SPTA1: variants seen among roughly 807,000 people sequenced by gnomAD.
SPTA1 encodes the protein spectrin alpha chain, erythrocytic 1.
Under a neutral mutation model 324.7 loss-of-function variants are expected in SPTA1, and 177 were observed. The observed-to-expected ratio is 0.55, with a 90% CI of 0.48 to 0.62. The LOEUF (loss-of-function observed/expected upper bound fraction) is 0.62. Among genes scored for constraint, SPTA1 ranks in the 20% least tolerant of loss-of-function variants. The probability of loss-of-function intolerance (pLI) is 0.00; values close to 1 mark genes in which losing one functional copy is unlikely to be tolerated. For missense variants in SPTA1, 3,162 were observed against 2,883.6 expected (o/e 1.10, Z -2.21); for synonymous variants, 1,195 against 1,041.3 (o/e 1.15, Z -2.84).
intron 3 of SPTA1, 59 bp downstream of exon 3, chr1:158,683,312 T>C: frequency 6.2e-7 from 1 of 1,610,392 alleles, no homozygotes; most frequent in South Asian, 1.1e-5. Context: ...ATATAATCAG[T>C]TAAAACCCTG....
intron 25 of SPTA1, among the ~76,000 whole-genome samples, chr1:158,649,603 T>C (rs1052647419): frequency 6.6e-5 from 10 of 152,214 alleles, no homozygotes; most frequent in Non-Finnish European, 1.3e-4. Context: ...TTATTCATTT[T>C]CATGGAAACA....
Position 158,681,681 on chromosome 1 carries a change from G to A in SPTA1, c.391-14C>T, listed in dbSNP as rs1222517455. On this transcript the variant is annotated splice_polypyrimidine_tract_variant and intron_variant, in intron 3 of 51. Coordinates refer to ENST00000643759, the MANE Select transcript of SPTA1 (RefSeq NM_003126.4). ...CTCTATATGGGCCTTTAGGAAAGAGGGGCAAAACCACTCAGCCACAGACAC... is the reference window on the plus strand; with the variant it reads ...CTCTATATGGGCCTTTAGGAAAGAGAGGCAAAACCACTCAGCCACAGACAC... 3.7e-6 allele frequency: 6 copies of A among 1,613,238 alleles called. No individual in the cohort carries two copies. The highest frequency in any genetic ancestry group is 2.2e-5 in the East Asian group (1 of 44,850).
chr1:158,650,891 C>T (rs1255367398), intron 24 of SPTA1, among the ~76,000 whole-genome samples: 2 of 152,138 alleles, frequency 1.3e-5, no homozygotes, highest in Non-Finnish European at 2.9e-5. Flanking sequence ...GGATATTGTG[C>T]TATCCAATAT....
chr1:158,647,884 C>T (rs1301051324), intron 26 of SPTA1, among the ~76,000 whole-genome samples, 164 bp from the exon 27 acceptor site: 2 of 152,160 alleles, frequency 1.3e-5, no homozygotes, highest in Non-Finnish European at 2.9e-5. Flanking sequence ...GTCCACATAA[C>T]TCCCTAAGGT....
intron 20 of SPTA1, 55 bp from the exon 21 acceptor site, chr1:158,654,803 C>T (rs984898341): frequency 2.5e-6 from 4 of 1,606,722 alleles, no homozygotes; most frequent in African/African-American, 2.7e-5. Context: ...TCTCCCTGTA[C>T]AGCTTACCAG....
At chr1:158,635,105 C>G (rs187256989) in intron 38 of SPTA1, among the ~76,000 whole-genome samples, 3 of 152,184 alleles carry the variant, frequency 2.0e-5, no homozygotes, top group East Asian at 1.9e-4. Flanking sequence ...GAACTACAGA[C>G]AGAAATCGTT....
intron 51 of SPTA1, chr1:158,612,285 A>G: frequency 5.5e-6 from 1 of 182,216 alleles, no homozygotes; most frequent in Non-Finnish European, 1.2e-5. Context: ...TGTTAATCAT[A>G]GATGATACTT....
Position 158,642,860 on chromosome 1 carries a change from A to G in SPTA1, c.4559T>C (p.Leu1520Pro). The G allele has an allele frequency of 6.2e-7, 1 of 1,613,924 alleles. No homozygotes were observed. Among genetic ancestry groups the G allele is most frequent in the African/African-American group, 1.3e-5 (1 of 75,018 alleles). ...GTAGGATTCATCACAGGCTGTGGGC[A>G]GCATCTCACTGATCCATTCTTCCAG... Reference protein sequence around the residue: ...EELEEWISEMLPTACDESYKD... With the variant: ...EELEEWISEMPPTACDESYKD... The change falls in exon 32 of 52, where the codon CTG (leucine) becomes CCG (proline). Residue 1520 changes from leucine (L) to proline (P), a missense_variant. Transcript: ENST00000643759.
At chr1:158,660,015 T>A (rs1349360987) in intron 18 of SPTA1, among the ~76,000 whole-genome samples, 3 of 152,122 alleles carry the variant, frequency 2.0e-5, no homozygotes, top group Admixed American at 6.5e-5. Context: ...CACTGTGCTA[T>A]AATAAACATA....
chr1:158,672,080 G>A lies in SPTA1; in HGVS notation c.1467C>T (p.Asp489=). 1 of 1,614,018 alleles carries A rather than the reference G, an allele frequency of 6.2e-7. No individual in the cohort carries two copies. Among genetic ancestry groups the A allele is most frequent in the East Asian group, 2.2e-5 (1 of 44,870 alleles). ...HLFYRDSEQV[D]SWMSRQEAFL... is the part of the protein sequence containing the mutation. Reference sequence around the variant, plus strand: ...TTACCTCTTGTCTACTCATCCAACTGTCCACTTGCTCACTGTCTCTGTAGA... The same window carrying A: ...TTACCTCTTGTCTACTCATCCAACTATCCACTTGCTCACTGTCTCTGTAGA... The change falls in exon 11 of 52, where the codon GAC becomes GAT. Residue 489 remains aspartate (D), a synonymous_variant. Coordinates refer to ENST00000643759, the MANE Select transcript of SPTA1 (RefSeq NM_003126.4).
chr1:158,648,401 G>A (rs1475679330), intron 26 of SPTA1, 108 bp downstream of exon 26: 42 of 1,486,854 alleles, frequency 2.8e-5, no homozygotes, highest in Non-Finnish European at 3.6e-5. Context: ...AGAACAGAGA[G>A]AAATATAAGA....
At position 158,666,320 on chromosome 1, in the gene SPTA1, C is replaced by T. The variant is rs145972324; in HGVS notation, c.2216G>A (p.Arg739His). Residue 739 changes from arginine to histidine, a missense_variant, in exon 16 of 52, where the codon CGT (arginine) becomes CAT (histidine). Transcript: ENST00000643759. Reference sequence around the variant, plus strand: ...GCCAAAGAGCTAACAACAAACCTGACGAGCAGCCACAGCCGACTCCAGGAG... The same window carrying T: ...GCCAAAGAGCTAACAACAAACCTGATGAGCAGCCACAGCCGACTCCAGGAG... ...HGLLESAVAA[R>H]QDQVDILTDL... 97 of 1,613,346 alleles carry T rather than the reference C, an allele frequency of 6.0e-5. 1 individual carries two copies. The highest frequency in any genetic ancestry group is 4.8e-4 in the African/African-American group (36 of 74,954).
intron 27 of SPTA1, 88 bp downstream of exon 27, chr1:158,647,451 A>G: frequency 6.5e-7 from 1 of 1,550,208 alleles, no homozygotes; most frequent in East Asian, 2.3e-5. Flanking sequence ...ATGCCCTCCA[A>G]AACCAGCAGT....
intron 27 of SPTA1, 30 bp from the exon 28 acceptor site, chr1:158,645,624 A>G: frequency 1.2e-6 from 2 of 1,612,552 alleles, no homozygotes; most frequent in Non-Finnish European, 1.7e-6. Context: ...GGAATTGACA[A>G]GAAAACCTTG....
intron 51 of SPTA1, chr1:158,611,668 A>ATC: frequency 3.0e-6 from 1 of 334,564 alleles, no homozygotes; most frequent in Middle Eastern, 9.4e-4. Flanking sequence ...AAGGAATTAT[A>ATC]TGCCTAACAA....
At chr1:158,629,576 C>A (rs1571398498) in intron 39 of SPTA1, among the ~76,000 whole-genome samples, 1 of 152,002 alleles carries the variant, frequency 6.6e-6, no homozygotes. Flanking sequence ...CAGCTAACAT[C>A]ATATTTAATG....
At chr1:158,674,289 A>G (rs913589111) in intron 10 of SPTA1, 40 bp downstream of exon 10, 1 of 1,554,412 alleles carries the variant, frequency 6.4e-7, no homozygotes, top group African/African-American at 1.4e-5. Flanking sequence ...ATGACTACAT[A>G]TATAATTGGA....
intron 44 of SPTA1, among the ~76,000 whole-genome samples, chr1:158,619,544 G>T (rs1487397114): frequency 6.6e-6 from 1 of 152,076 alleles, no homozygotes; most frequent in Non-Finnish European, 1.5e-5. Context: ...AAGAGTACTT[G>T]CAGGGTCCTC....
chr1:158,652,494 C>A lies in SPTA1; in HGVS notation c.3348G>T (p.Leu1116=). The part of the protein sequence containing the change: ...TGVELDDVWE[L]QKKFDEFQKD... Reference sequence around the variant, plus strand: ...TTTGGAACTCATCAAACTTTTTCTGCAGCTCCCAAACATCATCTAGTTCCA... The same window carrying A: ...TTTGGAACTCATCAAACTTTTTCTGAAGCTCCCAAACATCATCTAGTTCCA... The change falls in exon 23 of 52, where the codon CTG becomes CTT. Residue 1116 remains leucine, a synonymous_variant. Transcript: ENST00000643759. 2 of 1,614,154 alleles carry A rather than the reference C, an allele frequency of 1.2e-6. No individual in the cohort carries two copies. Among genetic ancestry groups the A allele is most frequent in the Non-Finnish European group, 1.7e-6 (2 of 1,180,016 alleles).
Sources: allele counts gnomAD v4.1 joint callset (sites outside exome capture counted in the v4.1 genomes callset), GRCh38; gene constraint gnomAD v4.1.1; transcripts MANE v1.5; gene names NCBI Gene and HGNC (gene_info 2026-07-23, HGNC 2026-07-21).